MIS18BP1: variants seen among roughly 807,000 people sequenced by gnomAD.
The protein encoded by MIS18BP1 is MIS18 binding protein 1, also known as mis18-binding protein 1.
A neutral mutation model predicts 116.1 loss-of-function variants in MIS18BP1; 72 were observed. The observed-to-expected ratio is 0.62, with a 90% CI of 0.51 to 0.75. MIS18BP1 has a LOEUF of 0.75. Among genes scored for constraint, MIS18BP1 ranks in the 30% least tolerant of loss-of-function variants. The pLI, the probability that MIS18BP1 is intolerant of heterozygous loss-of-function variation, is 0.00. For missense variants in MIS18BP1, 1,363 were observed against 1,303.2 expected (o/e 1.05, Z -0.71); for synonymous variants, 386 against 427.0 (o/e 0.90, Z 1.18).
Position 45,242,797 on chromosome 14 carries a change from G to C in MIS18BP1, c.622C>G (p.Gln208Glu), listed in dbSNP as rs145509429. Residue 208 changes from glutamine (Q) to glutamate (E), a missense_variant, in exon 3 of 17, where the codon CAG becomes GAG. Gln to Glu is a conservative substitution (Grantham distance 29). Transcript: ENST00000310806. ...LPVKQKIQCQQEKKAPLHNLT... is the reference protein window; with the variant it reads ...LPVKQKIQCQEEKKAPLHNLT... ...TTGTGCAGTGGTGCTTTCTTTTCCT[G>C]CTGGCACTGAATCTTTTGTTTGACC... 669 of 1,613,284 alleles carry C rather than the reference G, an allele frequency of 4.1e-4. 1 individual carries two copies. The highest frequency in any genetic ancestry group is 3.0e-4 in the Non-Finnish European group (357 of 1,179,598).
intron 10 of MIS18BP1, among the ~76,000 whole-genome samples, 194 bp from the exon 11 acceptor site, chr14:45,224,940 T>C (rs1028014927): frequency 6.6e-6 from 1 of 152,204 alleles, no homozygotes; most frequent in Non-Finnish European, 1.5e-5. Context: ...TGTAAACATA[T>C]ACTATTGTTT....
In MIS18BP1 at chr14:45,234,351, T is replaced by TA. The variant is rs1008586070; in HGVS notation, c.1348+1462dup. Among the ~76,000 whole-genome samples, 663 of 131,096 alleles carry TA rather than the reference T, an allele frequency of 5.1e-3. 3 individuals are homozygous for TA. Among genetic ancestry groups the TA allele is most frequent in the African/African-American group, 0.015 (539 of 35,520 alleles). The allele number at this position is 131,096 out of a possible 152,430, so 86.0% of individuals were successfully genotyped here. A position where few individuals can be genotyped will look rare whatever the true frequency, so the allele number is the denominator to read the frequency against. On this transcript the variant is annotated intron_variant, in intron 6 of 16. Transcript: ENST00000310806. ...AGGAGAAATGTGGTTAAAAGAGAAA[T>TA]AAAAAAAAAAAGGAGAAGGGAGTGT...
chr14:45,246,851 C>T lies in MIS18BP1; in HGVS notation c.436G>A (p.Glu146Lys). 6.2e-7 allele frequency: 1 copy of T among 1,610,830 alleles called. No homozygotes were observed. The change falls in exon 2 of 17, where the codon GAA (glutamate) becomes AAA (lysine). Residue 146 changes from glutamate (E) to lysine (K), a missense_variant. Coordinates refer to ENST00000310806, the MANE Select transcript of MIS18BP1 (RefSeq NM_018353.5). ...LLEPQKSGNN[E>K]TFTPNRVEKK... is the part of the protein sequence containing the mutation. ...TCAACTCTGTTAGGAGTGAAGGTTTCATTATTTCCACTTTTCTGTGGTTCC... is the reference window on the plus strand; with the variant it reads ...TCAACTCTGTTAGGAGTGAAGGTTTTATTATTTCCACTTTTCTGTGGTTCC...
At chr14:45,232,519 G>A (rs1891315006) in intron 7 of MIS18BP1, 3 of 503,096 alleles carry the variant, frequency 6.0e-6, no homozygotes, top group African/African-American at 4.0e-5. Flanking sequence ...CTCAGGCCAG[G>A]CACAGTGGCT....
rs143246497 is a variant in MIS18BP1, at chr14:45,221,470, G to T, written c.2669+2448C>A. 1.2e-3 allele frequency among the ~76,000 whole-genome samples: 179 copies of T among 149,524 alleles called. 2 individuals are homozygous for T. The East Asian group carries it at 0.015, about 13-fold the overall frequency. ...ATAAATAAAATAAAATAAAATAAAA[G>T]AATATTTTCTACTTTCCTTTAAGTC... is the stretch of plus-strand genomic sequence containing the variant. On this transcript the variant is annotated intron_variant, in intron 11 of 16. Transcript: ENST00000310806.
chr14:45,223,009 G>A (rs1193767256), intron 11 of MIS18BP1, among the ~76,000 whole-genome samples: 1 of 152,214 alleles, frequency 6.6e-6, no homozygotes, highest in Non-Finnish European at 1.5e-5. Context: ...AGCCCCAGCT[G>A]ATGCTGTGAC....
Position 45,242,086 on chromosome 14 carries a change from A to G in MIS18BP1, c.1091T>C (p.Leu364Pro). ...PRRSKRNISK[L>P]SPPRIFQTVT... ...AGTTTGAAATATTCTTGGAGGAGAA[A>G]GCTTTGAAATATTTCTTTTTGACCT... Residue 364 changes from leucine to proline, a missense_variant, in exon 4 of 17, where the codon CTT (leucine) becomes CCT (proline). By Grantham distance (98) the Leu-to-Pro change is moderately conservative (BLOSUM62 -3). Coordinates refer to ENST00000310806, the MANE Select transcript of MIS18BP1 (RefSeq NM_018353.5). 3 of 1,613,532 alleles carry G rather than the reference A, an allele frequency of 1.9e-6. No individual in the cohort carries two copies. Among genetic ancestry groups the G allele is most frequent in the Non-Finnish European group, 2.5e-6 (3 of 1,179,834 alleles).
At chr14:45,208,595 G>C (rs982306533) in intron 14 of MIS18BP1, among the ~76,000 whole-genome samples, 1 of 152,238 alleles carries the variant, frequency 6.6e-6, no homozygotes, top group East Asian at 1.9e-4. Context: ...GCCTCCCAAA[G>C]TGCTGGGATT....
chr14:45,223,030 G>A (rs889045281), intron 11 of MIS18BP1, among the ~76,000 whole-genome samples: 1 of 152,132 alleles, frequency 6.6e-6, no homozygotes, highest in African/African-American at 2.4e-5. Flanking sequence ...TGTAGCCCCT[G>A]CAGGATTGCA....
chr14:45,221,890 A>T (rs1195164298), intron 11 of MIS18BP1, among the ~76,000 whole-genome samples: 1 of 152,186 alleles, frequency 6.6e-6, no homozygotes, highest in East Asian at 1.9e-4. Flanking sequence ...CGCTGCTTTC[A>T]CTTGTCAGTT....
intron 6 of MIS18BP1, among the ~76,000 whole-genome samples, chr14:45,233,370 T>C (rs1382785861): frequency 2.0e-5 from 3 of 152,038 alleles, no homozygotes; most frequent in Non-Finnish European, 2.9e-5. Flanking sequence ...TGAGAGATTA[T>C]AATATAAGGC....
chr14:45,231,934 A>G (rs1021846818), intron 7 of MIS18BP1, among the ~76,000 whole-genome samples: 2 of 151,454 alleles, frequency 1.3e-5, no homozygotes. Context: ...AAAATGAATG[A>G]AAAAAAAAGG....
At chr14:45,249,874 A>G (rs1891821891) in intron 1 of MIS18BP1, among the ~76,000 whole-genome samples, 1 of 152,200 alleles carries the variant, frequency 6.6e-6, no homozygotes, top group African/African-American at 2.4e-5. Flanking sequence ...ACTCCAACTG[A>G]AAATAATAAT....
intron 11 of MIS18BP1, among the ~76,000 whole-genome samples, chr14:45,221,774 T>C (rs984143415): frequency 6.6e-6 from 1 of 152,236 alleles, no homozygotes; most frequent in Non-Finnish European, 1.5e-5. Flanking sequence ...GATGGTGTTG[T>C]TCAGTTCTAT....
At chr14:45,204,860 A>G (rs1168556408) in intron 15 of MIS18BP1, among the ~76,000 whole-genome samples, 1 of 152,064 alleles carries the variant, frequency 6.6e-6, no homozygotes. Context: ...ATACTGTACT[A>G]TTACAGTATA....
intron 4 of MIS18BP1, among the ~76,000 whole-genome samples, chr14:45,241,168 T>A (rs775586525): frequency 1.3e-5 from 2 of 152,170 alleles, no homozygotes; most frequent in Non-Finnish European, 2.9e-5. Context: ...ATAACCACCA[T>A]CATACATTTA....
chr14:45,237,760 A>G, intron 4 of MIS18BP1, 39 bp from the exon 5 acceptor site: 1 of 1,555,016 alleles, frequency 6.4e-7, no homozygotes, highest in Non-Finnish European at 8.6e-7. Context: ...TTCCTGTATT[A>G]CTTGCAGCAC....
intron 13 of MIS18BP1, among the ~76,000 whole-genome samples, chr14:45,213,592 C>G (rs556828174): frequency 3.9e-5 from 6 of 152,088 alleles, no homozygotes; most frequent in African/African-American, 1.4e-4. Context: ...AACTCTGCAC[C>G]GTAGCATGAA....
In MIS18BP1 at chr14:45,204,412, G is replaced by A. The variant is rs771906133; in HGVS notation, c.3282C>T (p.Thr1094=). The A allele has an allele frequency of 6.2e-7, 1 of 1,606,066 alleles. No individual in the cohort carries two copies. The highest frequency in any genetic ancestry group is 2.2e-5 in the East Asian group (1 of 44,494). ...DFSTPTPRRK[T]PFNTDLGENS... is the part of the protein sequence containing the mutation. ...TAAGTGTATTACCTGTGTTAAATGG[G>A]GTTTTCCTTCTTGGTGTTGGAGTTG... Residue 1094 remains threonine (T), a synonymous_variant, in exon 16 of 17, where the codon ACC becomes ACT. Transcript: ENST00000310806.
Sources: allele counts gnomAD v4.1 joint callset (sites outside exome capture counted in the v4.1 genomes callset), GRCh38; gene constraint gnomAD v4.1.1; transcripts MANE v1.5; gene names NCBI Gene and HGNC (gene_info 2026-07-23, HGNC 2026-07-21).